The following TENM4 variants were observed in gnomAD, a reference collection of about 807,000 sequenced individuals.
TENM4 encodes teneurin transmembrane protein 4, also known as teneurin-4.
Under a neutral mutation model 243.3 loss-of-function variants are expected in TENM4, and 82 were observed. That is an observed-to-expected ratio of 0.34 (90% CI 0.28 to 0.40). The LOEUF is 0.40. TENM4 is among the 10% of genes least tolerant of loss of function. The probability of loss-of-function intolerance (pLI) is 1.00; values close to 1 mark genes in which losing one functional copy is unlikely to be tolerated. For missense variants in TENM4, 3,138 were observed against 3,673.3 expected, an observed-to-expected ratio of 0.85 and a Z score of 3.77; for synonymous variants, 1,412 against 1,456.3, an observed-to-expected ratio of 0.97 and a Z score of 0.69.
At chr11:79,338,875 G>A (rs1857195903) in intron 1 of TENM4, among the ~76,000 whole-genome samples, 1 of 152,196 alleles carries the variant, frequency 6.6e-6, no homozygotes, top group Non-Finnish European at 1.5e-5. Flanking sequence ...TGAGAGTAAT[G>A]TCTGCTCAGG....
chr11:79,363,383 G>C (rs1014365611), intron 1 of TENM4, among the ~76,000 whole-genome samples: 14 of 152,230 alleles, frequency 9.2e-5, no homozygotes, highest in African/African-American at 2.9e-4. Context: ...AAAAAATGTG[G>C]AACTGGGAAA....
At chr11:79,154,921 A>G (rs944746358) in intron 3 of TENM4, among the ~76,000 whole-genome samples, 1 of 152,146 alleles carries the variant, frequency 6.6e-6, no homozygotes, top group Non-Finnish European at 1.5e-5. Context: ...ACTGCTCTGG[A>G]CCAGGGCAGG....
chr11:79,401,592 G>A (rs1050180804), intron 1 of TENM4, among the ~76,000 whole-genome samples: 4 of 152,164 alleles, frequency 2.6e-5, no homozygotes, highest in African/African-American at 9.7e-5. Context: ...ACCATTAGAG[G>A]CAACCACTAA....
chr11:78,667,456 G>T (rs77458740), intron 32 of TENM4, among the ~76,000 whole-genome samples: 4,299 of 152,208 alleles, frequency 0.028, 211 homozygotes, highest in African/African-American at 0.098. Context: ...TATTATATGT[G>T]CTGCCTTCCC....
At chr11:79,275,242 T>TG (rs1856033466) in intron 2 of TENM4, among the ~76,000 whole-genome samples, 1 of 96,736 alleles carries the variant, frequency 1.0e-5, no homozygotes, top group Non-Finnish European at 2.2e-5. Context: ...TGTGTGTGTG[T>TG]CTGTGTGTGC....
chr11:78,859,336 C>T (rs1344302975), intron 10 of TENM4, among the ~76,000 whole-genome samples: 2 of 152,192 alleles, frequency 1.3e-5, no homozygotes. Context: ...TTAACAAACA[C>T]TGCAAAAAGC....
chr11:79,225,424 T>C (rs1455990258), intron 2 of TENM4, among the ~76,000 whole-genome samples: 1 of 151,986 alleles, frequency 6.6e-6, no homozygotes, highest in East Asian at 1.9e-4. Context: ...GTCCTCCTGC[T>C]TTTTTTTGAG....
chr11:78,760,819 G>A (rs905988585), intron 18 of TENM4, among the ~76,000 whole-genome samples: 8 of 151,966 alleles, frequency 5.3e-5, no homozygotes, highest in South Asian at 2.1e-4. Flanking sequence ...TTTTATCCGC[G>A]TTCTATCCTG....
intron 6 of TENM4, among the ~76,000 whole-genome samples, chr11:78,983,811 G>A (rs574935137): frequency 1.3e-5 from 2 of 152,336 alleles, no homozygotes; most frequent in South Asian, 2.1e-4. Context: ...TGGGCTCAGT[G>A]GGGTGGCAGC....
intron 6 of TENM4, among the ~76,000 whole-genome samples, chr11:79,016,275 G>T (rs750461107): frequency 9.2e-5 from 14 of 152,124 alleles, no homozygotes; most frequent in Non-Finnish European, 1.9e-4. Context: ...TTGACTTAAG[G>T]TTATGAGTAG....
At chr11:79,267,937 G>A (rs1338006267) in intron 2 of TENM4, among the ~76,000 whole-genome samples, 1 of 152,208 alleles carries the variant, frequency 6.6e-6, no homozygotes, top group Non-Finnish European at 1.5e-5. Flanking sequence ...CATCCTGCTA[G>A]TGTAACCAAA....
chr11:79,031,812 T>C (rs960406279), intron 6 of TENM4, among the ~76,000 whole-genome samples: 1 of 152,186 alleles, frequency 6.6e-6, no homozygotes, highest in African/African-American at 2.4e-5. Context: ...GTTCTTAACA[T>C]GAGCAATTTT....
intron 1 of TENM4, chr11:79,402,089 G>A: frequency 4.8e-6 from 2 of 414,522 alleles, no homozygotes; most frequent in South Asian, 3.7e-5. Context: ...CAGCTAGATT[G>A]TAAGCTCCTT....
In TENM4 at chr11:79,159,288, T is replaced by A. The variant is rs138592957; in HGVS notation, c.-162-10482A>T. On this transcript the variant is annotated intron_variant, in intron 3 of 33. Transcript: ENST00000278550. ...TGTCTAGGTTCAAACTATCGATTGATCACCAAATAAACACCACAGGGAATA... is the reference window on the plus strand; with the variant it reads ...TGTCTAGGTTCAAACTATCGATTGAACACCAAATAAACACCACAGGGAATA... Among the ~76,000 whole-genome samples, 541 of 152,296 alleles carry A rather than the reference T, an allele frequency of 3.6e-3. 1 individual carries two copies. The highest frequency in any genetic ancestry group is 6.0e-3 in the Non-Finnish European group (407 of 68,028).
intron 2 of TENM4, among the ~76,000 whole-genome samples, chr11:79,280,052 T>C (rs1433551804): frequency 1.3e-5 from 2 of 152,230 alleles, no homozygotes; most frequent in African/African-American, 2.4e-5. Context: ...AGTGCCATTT[T>C]GAAAGCAGAG....
chr11:78,781,670 C>T (rs1856839665), intron 16 of TENM4, among the ~76,000 whole-genome samples: 2 of 152,158 alleles, frequency 1.3e-5, no homozygotes, highest in South Asian at 4.1e-4. Context: ...TCTCCAGGAG[C>T]CTCAGGGCAA....
At position 78,999,759 on chromosome 11, in the gene TENM4, A is replaced by G. The variant is rs35002287; in HGVS notation, c.493+64979T>C. On this transcript the variant is annotated intron_variant, in intron 6 of 33. Coordinates refer to ENST00000278550, the MANE Select transcript of TENM4 (RefSeq NM_001098816.3). ...AGAAACTGACTGAGAGTGGGACAAC[A>G]TTAAGCCCAACAACAAACATATAAT... 6.7e-3 allele frequency among the ~76,000 whole-genome samples: 1,027 copies of G among 152,306 alleles called. 6 individuals carry two copies. The highest frequency in any genetic ancestry group is 0.012 in the Non-Finnish European group (788 of 68,034).
At chr11:79,076,752 T>A (rs1472842214) in intron 4 of TENM4, among the ~76,000 whole-genome samples, 1 of 152,166 alleles carries the variant, frequency 6.6e-6, no homozygotes, top group East Asian at 1.9e-4. Context: ...AGGGGATCAC[T>A]GAAGACAGGA....
chr11:78,786,862 C>T, intron 16 of TENM4, 36 bp downstream of exon 16: 1 of 1,575,190 alleles, frequency 6.3e-7, no homozygotes, highest in Middle Eastern at 1.7e-4. Context: ...GTCCTGCAGA[C>T]CAGAGAAGGT....
Sources: allele counts gnomAD v4.1 joint callset (sites outside exome capture counted in the v4.1 genomes callset), GRCh38; gene constraint gnomAD v4.1.1; transcripts MANE v1.5; gene names NCBI Gene and HGNC (gene_info 2026-07-23, HGNC 2026-07-21).